Variants in DLGAP1 observed in about 807,000 individuals in gnomAD.
DLGAP1 encodes DLG associated protein 1.
A neutral mutation model predicts 90.8 loss-of-function variants in DLGAP1; 11 were observed. The ratio of observed to expected loss-of-function variants is 0.12; its 90% CI spans 0.08 to 0.20. DLGAP1 has a LOEUF of 0.20. DLGAP1 is among the 10% of genes least tolerant of loss of function. The pLI, the probability that DLGAP1 is intolerant of heterozygous loss-of-function variation, is 1.00. For missense variants in DLGAP1, 1,050 were observed against 1,333.8 expected (o/e 0.79, Z 3.31); for synonymous variants, 558 against 540.7 (o/e 1.03, Z -0.44).
chr18:4,144,472 G>A (rs1240287076), intron 2 of DLGAP1, among the ~76,000 whole-genome samples: 1 of 152,166 alleles, frequency 6.6e-6, no homozygotes, highest in Admixed American at 6.5e-5. Context: ...TGAGCCACAG[G>A]GCCCCTGCTG....
At chr18:4,201,741 C>T (rs935764628) in intron 1 of DLGAP1, among the ~76,000 whole-genome samples, 5 of 152,052 alleles carry the variant, frequency 3.3e-5, no homozygotes, top group African/African-American at 7.2e-5. Flanking sequence ...CATCACTAAC[C>T]ATCAGGAAAA....
Position 4,121,801 on chromosome 18 carries a change from T to C in DLGAP1, c.-159+29379A>G, listed in dbSNP as rs192858154. Among the ~76,000 whole-genome samples the C allele has an allele frequency of 3.9e-5, 6 of 152,278 alleles. No individual in the cohort carries two copies. In the East Asian group the frequency reaches 7.7e-4, roughly 20 times the overall value. On this transcript the variant is annotated intron_variant, in intron 2 of 12. Transcript: ENST00000315677. ...CCTTATCATGCTTTAACAAGTACCA[T>C]TGAATAATTTTTTCTTTAACAGTAG...
intron 10 of DLGAP1, among the ~76,000 whole-genome samples, chr18:3,522,546 C>T (rs942146269): frequency 2.7e-4 from 31 of 116,546 alleles, no homozygotes; most frequent in Non-Finnish European, 3.8e-4. Flanking sequence ...GCAGTCAACT[C>T]TTTTTTTTTT....
intron 6 of DLGAP1, among the ~76,000 whole-genome samples, chr18:3,737,175 C>T (rs1184516765): frequency 2.7e-5 from 4 of 148,500 alleles, no homozygotes; most frequent in Admixed American, 1.3e-4. Flanking sequence ...GATTCACAGC[C>T]GAATTCTACC....
At chr18:4,241,271 T>C (rs1357910405) in intron 1 of DLGAP1, among the ~76,000 whole-genome samples, 2 of 152,174 alleles carry the variant, frequency 1.3e-5, no homozygotes, top group African/African-American at 2.4e-5. Context: ...AGGTCACTCC[T>C]AGAGTTCTTG....
In DLGAP1 at chr18:4,099,558, A is replaced by G. The variant is rs532116490; in HGVS notation, c.-159+51622T>C. 2.0e-5 allele frequency among the ~76,000 whole-genome samples: 3 copies of G among 152,326 alleles called. No individual in the cohort carries two copies. In the South Asian group the frequency reaches 6.2e-4, roughly 32 times the overall value. ...CTTAATTAAAAATACTTTATTGCTA[A>G]AAATGCTAATGATCATCTGAGCCTT... is the stretch of plus-strand genomic sequence containing the variant. On this transcript the variant is annotated intron_variant, in intron 2 of 12. Transcript: ENST00000315677.
At chr18:3,692,841 T>G (rs1301752892) in intron 7 of DLGAP1, among the ~76,000 whole-genome samples, 1 of 152,178 alleles carries the variant, frequency 6.6e-6, no homozygotes, top group Admixed American at 6.5e-5. Flanking sequence ...TCTCTAGTGT[T>G]CCAGAACTAG....
At chr18:4,395,824 A>G (rs1438053051) in intron 1 of DLGAP1, among the ~76,000 whole-genome samples, 1 of 152,216 alleles carries the variant, frequency 6.6e-6, no homozygotes, top group Non-Finnish European at 1.5e-5. Context: ...AAACATTCAT[A>G]ATCAAACGCC....
At chr18:3,889,779 T>G (rs562494038) in intron 3 of DLGAP1, among the ~76,000 whole-genome samples, 1 of 152,306 alleles carries the variant, frequency 6.6e-6, no homozygotes, top group Non-Finnish European at 1.5e-5. Flanking sequence ...ATCACTGGAC[T>G]CTGGTAAGCT....
intron 1 of DLGAP1, among the ~76,000 whole-genome samples, chr18:4,174,138 C>T (rs2077067115): frequency 6.6e-6 from 1 of 151,964 alleles, no homozygotes; most frequent in Admixed American, 6.6e-5. Flanking sequence ...GGCATTAGTC[C>T]TAGGTGCCTG....
At chr18:4,074,638 G>A (rs112596339) in intron 2 of DLGAP1, among the ~76,000 whole-genome samples, 274 of 150,838 alleles carry the variant, frequency 1.8e-3, no homozygotes, top group Middle Eastern at 0.01. Context: ...AGTTTTTGTT[G>A]CTGTTTTTGT....
intron 8 of DLGAP1, among the ~76,000 whole-genome samples, chr18:3,578,809 C>T (rs1004125870): frequency 2.0e-5 from 3 of 152,110 alleles, no homozygotes; most frequent in African/African-American, 7.2e-5. Context: ...CAGAGATGAT[C>T]CTAACACCTA....
chr18:4,065,999 C>A (rs1401315870), intron 2 of DLGAP1, among the ~76,000 whole-genome samples: 2 of 152,034 alleles, frequency 1.3e-5, no homozygotes, highest in Non-Finnish European at 2.9e-5. Context: ...ATAGAGAAGT[C>A]AGAAATATGA....
At chr18:4,246,079 G>T (rs117449849) in intron 1 of DLGAP1, among the ~76,000 whole-genome samples, 2,834 of 152,280 alleles carry the variant, frequency 0.019, 36 homozygotes, top group Non-Finnish European at 0.027. Context: ...ACTGAAGAGT[G>T]TGTGTGTTTA....
chr18:4,113,183 A>G (rs978025896), intron 2 of DLGAP1, among the ~76,000 whole-genome samples: 5 of 152,218 alleles, frequency 3.3e-5, no homozygotes, highest in Non-Finnish European at 5.9e-5. Flanking sequence ...AGAAATCTCC[A>G]AACTGCTTTC....
chr18:4,009,305 G>A (rs2074371476), intron 2 of DLGAP1, among the ~76,000 whole-genome samples: 3 of 152,134 alleles, frequency 2.0e-5, no homozygotes. Context: ...CTGCTTTCCC[G>A]TCTGGCATCA....
At chr18:4,408,714 A>C (rs2082714849) in intron 1 of DLGAP1, among the ~76,000 whole-genome samples, 1 of 150,536 alleles carries the variant, frequency 6.6e-6, no homozygotes, top group African/African-American at 2.5e-5. Context: ...CTCACTACTA[A>C]GGAAGAAATA....
At chr18:4,384,837 C>T (rs1303929096) in intron 1 of DLGAP1, among the ~76,000 whole-genome samples, 2 of 152,054 alleles carry the variant, frequency 1.3e-5, no homozygotes, top group Non-Finnish European at 2.9e-5. Flanking sequence ...ACATGAACAA[C>T]CCCAAATTTT....
chr18:4,049,524 A>T (rs1477862060), intron 2 of DLGAP1, among the ~76,000 whole-genome samples: 1 of 152,072 alleles, frequency 6.6e-6, no homozygotes, highest in Non-Finnish European at 1.5e-5. Flanking sequence ...TCTGAACCTG[A>T]CTTCCCTCTG....
Sources: gnomAD v4.1 joint callset for allele counts (sites outside exome capture counted in the v4.1 genomes callset) on GRCh38, gnomAD v4.1.1 for gene constraint, MANE v1.5 for transcripts, NCBI Gene and HGNC (gene_info 2026-07-23, HGNC 2026-07-21) for gene names.